Variants in NTRK3 observed in about 807,000 individuals in gnomAD.
The protein encoded by NTRK3 is NT-3 growth factor receptor.
NTRK3 carries 24 observed loss-of-function variants against 91.7 expected under a neutral mutation model. That is an observed-to-expected ratio of 0.26 (90% CI 0.19 to 0.37). The LOEUF (loss-of-function observed/expected upper bound fraction) is 0.37. Among genes scored for constraint, NTRK3 ranks in the 10% least tolerant of loss-of-function variants. The pLI is 1.00. For missense variants in NTRK3, 880 were observed against 1,068.9 expected (o/e 0.82, Z 2.46); for synonymous variants, 483 against 404.0 (o/e 1.20, Z -2.34).
intron 13 of NTRK3, among the ~76,000 whole-genome samples, chr15:88,075,383 T>C (rs1277156606): frequency 5.3e-5 from 8 of 152,196 alleles, no homozygotes; most frequent in Non-Finnish European, 1.2e-4. Context: ...AAGTTATTAT[T>C]CAGTCAGTAG....
At chr15:87,889,383 A>G (rs1312028975) in intron 17 of NTRK3, among the ~76,000 whole-genome samples, 1 of 135,182 alleles carries the variant, frequency 7.4e-6, no homozygotes, top group Non-Finnish European at 1.6e-5. Flanking sequence ...CATGCTCGTT[A>G]GTTTATTAGT....
At chr15:87,905,648 A>G (rs921375221) in intron 17 of NTRK3, among the ~76,000 whole-genome samples, 1 of 152,184 alleles carries the variant, frequency 6.6e-6, no homozygotes, top group Non-Finnish European at 1.5e-5. Context: ...ATTTAGGATT[A>G]TCTTCAAACT....
In NTRK3 at chr15:88,031,773, G is replaced by A. The variant is rs76576642; in HGVS notation, c.1585+1084C>T. Among the ~76,000 whole-genome samples, 765 of 152,258 alleles carry A rather than the reference G, an allele frequency of 5.0e-3. 5 individuals carry two copies. Among genetic ancestry groups the A allele is most frequent in the Middle Eastern group, 0.01 (3 of 294 alleles). ...CCCAGTGCCCACTCTGCTGTAGGAT[G>A]AACCAGCAGGAGCAGCAAGAGTTCT... On this transcript the variant is annotated intron_variant, in intron 14 of 18. Transcript: ENST00000394480.
chr15:88,134,653 C>A (rs139845266), intron 10 of NTRK3, among the ~76,000 whole-genome samples: 48 of 152,340 alleles, frequency 3.2e-4, no homozygotes, highest in African/African-American at 1.2e-3. Context: ...GAACCATCAT[C>A]AGGTGTCAAA....
At chr15:88,256,393 G>T in exon 2 of NTRK3, 1 of 610,320 alleles carries the variant, frequency 1.6e-6, no homozygotes, top group East Asian at 2.8e-5. Flanking sequence ...AGCGCCTAGT[G>T]GCGCGGTCTG....
intron 17 of NTRK3, among the ~76,000 whole-genome samples, chr15:87,899,034 T>A (rs1328938066): frequency 6.6e-6 from 1 of 152,138 alleles, no homozygotes; most frequent in Non-Finnish European, 1.5e-5. Context: ...AACTGTTACT[T>A]ACTAACATAT....
chr15:87,950,372 T>A (rs1464147512), intron 14 of NTRK3, among the ~76,000 whole-genome samples: 6 of 152,104 alleles, frequency 3.9e-5, no homozygotes, highest in African/African-American at 1.4e-4. Flanking sequence ...GGGTCCAAGA[T>A]AAAACTGAGC....
chr15:87,942,979 G>T (rs1377170517), intron 14 of NTRK3, among the ~76,000 whole-genome samples: 1 of 152,154 alleles, frequency 6.6e-6, no homozygotes, highest in East Asian at 1.9e-4. Flanking sequence ...GTTACTTGGG[G>T]AAGAGCACCG....
chr15:88,071,471 T>G (rs1297623024), intron 13 of NTRK3, among the ~76,000 whole-genome samples: 1 of 152,270 alleles, frequency 6.6e-6, no homozygotes, highest in Non-Finnish European at 1.5e-5. Context: ...CACAAGCTAA[T>G]GCATCCAAGA....
intron 5 of NTRK3, among the ~76,000 whole-genome samples, chr15:88,151,962 T>G (rs1474668902): frequency 6.6e-6 from 1 of 152,204 alleles, no homozygotes; most frequent in Non-Finnish European, 1.5e-5. Flanking sequence ...TTGAGTGTTT[T>G]CTGTTGTAAT....
Position 87,940,018 on chromosome 15 carries a change from T to G in NTRK3, c.1716+605A>C, listed in dbSNP as rs527521848. On this transcript the variant is annotated intron_variant, in intron 15 of 18. Transcript: ENST00000394480. ...GTGGTTAAGGGAGCCCTTCAGCAGC[T>G]GCCAGGAGGAAGTTTCTCCCAGGCA... Among the ~76,000 whole-genome samples, 41 of 152,312 alleles carry G rather than the reference T, an allele frequency of 2.7e-4. No individual in the cohort carries two copies. The South Asian group carries it at 8.1e-3, about 30-fold the overall frequency.
intron 5 of NTRK3, among the ~76,000 whole-genome samples, chr15:88,160,527 C>A (rs72758244): frequency 0.15 from 22,976 of 152,166 alleles, 2,148 homozygotes; most frequent in East Asian, 0.21. Context: ...CTGCCCTGCC[C>A]CTTTTCCAGA....
At chr15:87,881,360 T>C (rs1020512852) in intron 17 of NTRK3, among the ~76,000 whole-genome samples, 3 of 152,222 alleles carry the variant, frequency 2.0e-5, no homozygotes, top group African/African-American at 7.2e-5. Context: ...GAGTTGTCTA[T>C]TTATGTCCGG....
chr15:88,089,263 C>T (rs371677711), intron 13 of NTRK3, among the ~76,000 whole-genome samples: 64 of 152,262 alleles, frequency 4.2e-4, no homozygotes, highest in African/African-American at 1.5e-3. Context: ...TCTTAAGCCT[C>T]GGCTCAGTTA....
At chr15:88,178,643 A>T (rs2046209293) in intron 5 of NTRK3, among the ~76,000 whole-genome samples, 1 of 152,282 alleles carries the variant, frequency 6.6e-6, no homozygotes, top group Admixed American at 6.5e-5. Context: ...AACTCTAGGG[A>T]TTAAATAAAT....
chr15:87,989,701 A>G (rs78232257), intron 14 of NTRK3, among the ~76,000 whole-genome samples: 3,032 of 152,222 alleles, frequency 0.02, 55 homozygotes, highest in South Asian at 0.048. Flanking sequence ...GACACGAAAA[A>G]AAAAAAGAGA....
intron 3 of NTRK3, among the ~76,000 whole-genome samples, chr15:88,215,496 A>C (rs1274915359): frequency 6.6e-6 from 1 of 152,202 alleles, no homozygotes; most frequent in African/African-American, 2.4e-5. Flanking sequence ...GTGTCCTGCG[A>C]TGCCAGGAGG....
intron 5 of NTRK3, among the ~76,000 whole-genome samples, chr15:88,157,021 G>A (rs986055423): frequency 1.3e-5 from 2 of 151,926 alleles, no homozygotes; most frequent in Non-Finnish European, 2.9e-5. Flanking sequence ...AAAGGCCTAG[G>A]GACAAAGACA....
intron 5 of NTRK3, among the ~76,000 whole-genome samples, chr15:88,172,055 C>G (rs1035315982): frequency 6.6e-6 from 1 of 152,232 alleles, no homozygotes; most frequent in Non-Finnish European, 1.5e-5. Context: ...ATGACTTACT[C>G]CATCTGGGAG....
Sources: gnomAD v4.1 joint callset for allele counts (sites outside exome capture counted in the v4.1 genomes callset) on GRCh38, gnomAD v4.1.1 for gene constraint, MANE v1.5 for transcripts, NCBI Gene and HGNC (gene_info 2026-07-23, HGNC 2026-07-21) for gene names.